Variants in CHLSN observed in about 807,000 individuals in gnomAD.
The protein encoded by CHLSN is cholesin.
chr7:1,122,389 C>G, the CHLSN span, among the ~76,000 whole-genome samples: 2 of 152,222 alleles, frequency 1.3e-5, no homozygotes, highest in Admixed American at 1.3e-4. Context: ...GCGGCCAGGT[C>G]ATCACAGGGG....
the CHLSN span, among the ~76,000 whole-genome samples, chr7:981,435 G>A: frequency 2.6e-5 from 4 of 152,106 alleles, no homozygotes; most frequent in East Asian, 1.9e-4. Flanking sequence ...TCTAGACTCC[G>A]TCTCTAAAAG....
At chr7:1,055,752 C>T in the CHLSN span, among the ~76,000 whole-genome samples, 1 of 152,144 alleles carries the variant, frequency 6.6e-6, no homozygotes, top group African/African-American at 2.4e-5. Context: ...GGAGGCAGCA[C>T]ACAAGGCACA....
At chr7:1,000,099 G>T in the CHLSN span, among the ~76,000 whole-genome samples, 2 of 152,354 alleles carry the variant, frequency 1.3e-5, no homozygotes, top group Middle Eastern at 3.4e-3. Context: ...CCTGAAGGCC[G>T]GCGGCAGGGC....
chr7:1,102,273 G>A, the CHLSN span, among the ~76,000 whole-genome samples: 1 of 152,264 alleles, frequency 6.6e-6, no homozygotes, highest in Non-Finnish European at 1.5e-5. Flanking sequence ...AGAGAGAAGC[G>A]AGGAGCTGGG....
the CHLSN span, among the ~76,000 whole-genome samples, chr7:1,020,328 C>G: frequency 6.6e-6 from 1 of 152,274 alleles, no homozygotes; most frequent in East Asian, 1.9e-4. Context: ...GGGCCCCGCC[C>G]AGCACGCCCA....
the CHLSN span, among the ~76,000 whole-genome samples, chr7:1,123,964 C>A: frequency 3.3e-5 from 5 of 152,174 alleles, 1 homozygote; most frequent in Admixed American, 3.3e-4. This position sits in a 1 kb window ranked among gnomAD's most constrained non-coding sequence, Gnocchi z 4.4. Flanking sequence ...CGCTTCCCAA[C>A]GCTCAGCTGG....
At chr7:1,033,552 T>A in the CHLSN span, among the ~76,000 whole-genome samples, 2 of 148,320 alleles carry the variant, frequency 1.3e-5, no homozygotes, top group Admixed American at 1.3e-4. Flanking sequence ...AGTGCGAAAC[T>A]CCGTCTCAAA....
chr7:1,124,271 A>T, the CHLSN span, among the ~76,000 whole-genome samples: 146 of 152,058 alleles, frequency 9.6e-4, 3 homozygotes, highest in Middle Eastern at 0.024. Flanking sequence ...CCGTAAGCCG[A>T]GCTGTCTTGG....
chr7:1,069,416 G>C, the CHLSN span, among the ~76,000 whole-genome samples: 1 of 147,028 alleles, frequency 6.8e-6, no homozygotes, highest in South Asian at 2.3e-4. Context: ...CGGAGCCGAA[G>C]CTGGACTGTA....
the CHLSN span, among the ~76,000 whole-genome samples, chr7:1,124,719 A>T: frequency 6.6e-6 from 1 of 151,356 alleles, no homozygotes; most frequent in African/African-American, 2.5e-5. Flanking sequence ...ATAATAATAA[A>T]AAATAAAAAA....
At chr7:990,977 C>T in the CHLSN span, among the ~76,000 whole-genome samples, 2 of 151,982 alleles carry the variant, frequency 1.3e-5, no homozygotes, top group Admixed American at 1.3e-4. Flanking sequence ...ACAGGGGACC[C>T]TTGTGCCCCC....
chr7:1,087,598 G>A, the CHLSN span, among the ~76,000 whole-genome samples: 1 of 152,210 alleles, frequency 6.6e-6, no homozygotes, highest in Non-Finnish European at 1.5e-5. Context: ...AACAGTGTCG[G>A]ACTGTGGGGC....
At chr7:1,028,535 CCGA>C in the CHLSN span, 1 of 985,010 alleles carries the variant, frequency 1.0e-6, no homozygotes, top group South Asian at 4.7e-5. Flanking sequence ...CACTGCTCCT[CCGA>C]CGAGGCTCTC....
At chr7:1,072,084 T>C in the CHLSN span, among the ~76,000 whole-genome samples, 39 of 152,222 alleles carry the variant, frequency 2.6e-4, no homozygotes, top group Admixed American at 7.8e-4. Context: ...AAGGCATCCA[T>C]AGACACCTTA....
At chr7:989,015 A>C in the CHLSN span, 1 of 519,930 alleles carries the variant, frequency 1.9e-6, no homozygotes. Flanking sequence ...ACCCTGTGGG[A>C]CCCCCACCCC....
At chr7:1,109,679 C>T in the CHLSN span, among the ~76,000 whole-genome samples, 2 of 150,972 alleles carry the variant, frequency 1.3e-5, no homozygotes, top group Non-Finnish European at 3.0e-5. Flanking sequence ...CCCCACTCAC[C>T]CCTCCATGGC....
At chr7:1,075,639 G>C in the CHLSN span, among the ~76,000 whole-genome samples, 2 of 146,530 alleles carry the variant, frequency 1.4e-5, no homozygotes, top group African/African-American at 5.1e-5. Flanking sequence ...CAGAGTAGGA[G>C]TCTTGCTCTG....
the CHLSN span, among the ~76,000 whole-genome samples, chr7:1,109,792 G>A: frequency 0.034 from 5,107 of 152,072 alleles, 282 homozygotes; most frequent in African/African-American, 0.12. Flanking sequence ...ACAGCTTCCC[G>A]ATTCCCACGT....
chr7:987,978 GGGGGGGTCCCCTCTGTGTGTCCT>G, the CHLSN span, among the ~76,000 whole-genome samples: 25,607 of 88,570 alleles, frequency 0.29, 2,673 homozygotes, highest in East Asian at 0.42. Context: ...TGTGTGTCCT[GGGGGGGTCCCCTCTGTGTGTCCT>G]GGGGGGTCCC....
Sources: gnomAD v4.1 joint callset for allele counts (sites outside exome capture counted in the v4.1 genomes callset) on GRCh38, gnomAD v4.1.1 for gene constraint, Gnocchi (gnomAD v3.1) non-coding constraint, MANE v1.5 for transcripts, NCBI Gene and HGNC (gene_info 2026-07-23, HGNC 2026-07-21) for gene names.